Variants in CSGALNACT1 observed in about 807,000 individuals in gnomAD.
CSGALNACT1 encodes chondroitin sulfate N-acetylgalactosaminyltransferase 1.
In CSGALNACT1, 52 loss-of-function variants were observed where a neutral mutation model predicts 51.0. That is an observed-to-expected ratio of 1.02 (90% CI 0.82 to 1.29). CSGALNACT1 has a LOEUF of 1.29. Ranked by LOEUF, CSGALNACT1 falls within the 50% of genes most tolerant of loss-of-function variation. CSGALNACT1 has a pLI of 0.00. For missense variants in CSGALNACT1, 935 were observed against 679.2 expected (o/e 1.38, Z -4.19); for synonymous variants, 341 against 254.4 (o/e 1.34, Z -3.24).
At chr8:19,638,848 G>T (rs1435323653) in intron 1 of CSGALNACT1, among the ~76,000 whole-genome samples, 1 of 151,496 alleles carries the variant, frequency 6.6e-6, no homozygotes, top group South Asian at 2.1e-4. Context: ...ATTCTTAAAG[G>T]CCACATTCTG....
chr8:19,518,896 G>A (rs540704845), intron 3 of CSGALNACT1, among the ~76,000 whole-genome samples: 1 of 152,124 alleles, frequency 6.6e-6, no homozygotes, highest in African/African-American at 2.4e-5. Flanking sequence ...AGCGAAACAG[G>A]CTCAACTTTA....
At chr8:19,426,040 G>A (rs1041908272) in intron 6 of CSGALNACT1, among the ~76,000 whole-genome samples, 2 of 152,162 alleles carry the variant, frequency 1.3e-5, no homozygotes, top group Admixed American at 1.3e-4. Flanking sequence ...GGCTCTAGCA[G>A]ACTCCACAGG....
chr8:19,690,676 G>C (rs537139514), intron 1 of CSGALNACT1, among the ~76,000 whole-genome samples: 2 of 152,314 alleles, frequency 1.3e-5, no homozygotes, highest in South Asian at 4.1e-4. Context: ...TTTGCAGTTT[G>C]CAGATGGAGC....
chr8:19,641,664 T>G lies in CSGALNACT1; in HGVS notation c.-543-39799A>C, dbSNP rs577573190. ...AAAACAAAGAAAGAAACAAAACCTG[T>G]AGGCATTCACTCATATCCTCCCATA... On this transcript the variant is annotated intron_variant, in intron 1 of 9. Coordinates refer to the CSGALNACT1 transcript ENST00000332246. 5 of 152,292 alleles carry G rather than the reference T, an allele frequency of 3.3e-5. No individual in the cohort carries two copies. The South Asian group carries it at 1.0e-3, about 32-fold the overall frequency. 9.4% of individuals were successfully genotyped at this position (152,292 alleles called of 1,614,324 possible). A position where few individuals can be genotyped will look rare whatever the true frequency, so the allele number is the denominator to read the frequency against.
chr8:19,750,416 G>T (rs1327187796), intron 1 of CSGALNACT1, among the ~76,000 whole-genome samples: 1 of 152,164 alleles, frequency 6.6e-6, no homozygotes, highest in East Asian at 1.9e-4. Context: ...TGTCAGTAGG[G>T]GGCAGCGGGG....
chr8:19,522,092 C>G (rs1212892453), intron 3 of CSGALNACT1, among the ~76,000 whole-genome samples: 1 of 152,162 alleles, frequency 6.6e-6, no homozygotes, highest in Non-Finnish European at 1.5e-5. Context: ...CTGAGGAGCA[C>G]AGAAAGGCTT....
At position 19,408,949 on chromosome 8, in the gene CSGALNACT1, A is replaced by AACACACACAC. The variant is rs5889870; in HGVS notation, c.1228-265_1228-256dup. 5.6e-3 allele frequency among the ~76,000 whole-genome samples: 803 copies of AACACACACAC among 142,280 alleles called. 8 individuals carry two copies. The highest frequency in any genetic ancestry group is 0.016 in the African/African-American group (627 of 38,344). 93.3% of individuals were successfully genotyped at this position (142,280 alleles called of 152,430 possible). ...AATGTTTCTAGGGCATAGATATGAAAACACACACACACACACACACACACA... is the reference window on the plus strand; with the variant it reads ...AATGTTTCTAGGGCATAGATATGAAAACACACACACACACACACACACACACACACACACA... On this transcript the variant is annotated intron_variant, in intron 8 of 9. Transcript: ENST00000454498.
intron 3 of CSGALNACT1, among the ~76,000 whole-genome samples, chr8:19,560,620 G>C (rs963971642): frequency 2.8e-4 from 42 of 152,246 alleles, no homozygotes; most frequent in African/African-American, 9.9e-4. Context: ...CAGGAAAAAG[G>C]AATCAACCTT....
chr8:19,548,150 T>A (rs879900039), intron 3 of CSGALNACT1, among the ~76,000 whole-genome samples: 3 of 152,222 alleles, frequency 2.0e-5, no homozygotes, highest in Non-Finnish European at 2.9e-5. Flanking sequence ...AAACACTAAT[T>A]ATTAAAGAGA....
At chr8:19,738,675 C>T (rs755531416) in intron 1 of CSGALNACT1, among the ~76,000 whole-genome samples, 1 of 151,996 alleles carries the variant, frequency 6.6e-6, no homozygotes, top group Non-Finnish European at 1.5e-5. Context: ...TTTTAAGACA[C>T]AAATACACAA....
At chr8:19,414,805 T>C (rs2056554138) in intron 8 of CSGALNACT1, among the ~76,000 whole-genome samples, 1 of 152,218 alleles carries the variant, frequency 6.6e-6, no homozygotes. Flanking sequence ...TGTTCTCCCT[T>C]CACCTTTGAT....
intron 1 of CSGALNACT1, among the ~76,000 whole-genome samples, chr8:19,668,112 G>A (rs543803946): frequency 1.9e-4 from 29 of 151,804 alleles, no homozygotes; most frequent in African/African-American, 7.0e-4. Context: ...TATGAAACAT[G>A]GTCATCTACA....
chr8:19,625,706 G>C (rs1384827145), intron 1 of CSGALNACT1, among the ~76,000 whole-genome samples: 2 of 152,154 alleles, frequency 1.3e-5, no homozygotes, highest in Non-Finnish European at 2.9e-5. Flanking sequence ...AAACAAACTA[G>C]AAAATGTACG....
intron 3 of CSGALNACT1, among the ~76,000 whole-genome samples, chr8:19,532,865 C>T (rs1006689405): frequency 6.6e-6 from 1 of 152,228 alleles, no homozygotes; most frequent in Non-Finnish European, 1.5e-5. Flanking sequence ...CTCTGTACTA[C>T]AGGTGAACTA....
chr8:19,548,570 T>TGAGA (rs773261407), intron 3 of CSGALNACT1, among the ~76,000 whole-genome samples: 20,933 of 152,208 alleles, frequency 0.14, 40 homozygotes, highest in Middle Eastern at 0.19. Flanking sequence ...ATATTATTTT[T>TGAGA]AAAACATTTT....
At chr8:19,492,979 GT>G (rs2074686607) in intron 4 of CSGALNACT1, among the ~76,000 whole-genome samples, 1 of 151,410 alleles carries the variant, frequency 6.6e-6, no homozygotes, top group South Asian at 2.1e-4. Context: ...CCATGACAAG[GT>G]TACGATCAAG....
At chr8:19,443,809 C>A (rs1161659703) in intron 5 of CSGALNACT1, among the ~76,000 whole-genome samples, 2 of 152,116 alleles carry the variant, frequency 1.3e-5, no homozygotes, top group Non-Finnish European at 2.9e-5. Flanking sequence ...TGTTCATGGC[C>A]CTTATATCAG....
chr8:19,532,615 C>G (rs1309271193), intron 3 of CSGALNACT1, among the ~76,000 whole-genome samples: 1 of 152,170 alleles, frequency 6.6e-6, no homozygotes, highest in Non-Finnish European at 1.5e-5. Context: ...CACTGACCCT[C>G]AAAGTCTTTC....
At chr8:19,455,787 C>G (rs143027421) in intron 5 of CSGALNACT1, among the ~76,000 whole-genome samples, 6 of 152,336 alleles carry the variant, frequency 3.9e-5, no homozygotes, top group Non-Finnish European at 7.3e-5. Context: ...TGTCCCCTGT[C>G]TGTATCTCTG....
Sources: allele counts gnomAD v4.1 joint callset (sites outside exome capture counted in the v4.1 genomes callset), GRCh38; gene constraint gnomAD v4.1.1; transcripts MANE v1.5; gene names NCBI Gene and HGNC (gene_info 2026-07-23, HGNC 2026-07-21).